The following ZFAND3 variants were observed in gnomAD, a reference collection of about 807,000 sequenced individuals.
The protein encoded by ZFAND3 is zinc finger AN1-type containing 3.
ZFAND3 carries 10 observed loss-of-function variants against 29.6 expected under a neutral mutation model. The observed-to-expected ratio is 0.34, with a 90% CI of 0.21 to 0.57. The LOEUF (loss-of-function observed/expected upper bound fraction) is 0.57, where lower values mean the gene tolerates loss of function less well. Among genes scored for constraint, ZFAND3 ranks in the 20% least tolerant of loss-of-function variants. The pLI, the probability that ZFAND3 is intolerant of heterozygous loss-of-function variation, is 0.86. For missense variants in ZFAND3, 230 were observed against 304.5 expected, an observed-to-expected ratio of 0.76 and a Z score of 1.82; for synonymous variants, 128 against 112.6, an observed-to-expected ratio of 1.14 and a Z score of -0.87.
intron 1 of ZFAND3, among the ~76,000 whole-genome samples, chr6:37,904,640 C>T (rs1765377073): frequency 6.6e-6 from 1 of 151,876 alleles, no homozygotes; most frequent in Non-Finnish European, 1.5e-5. Flanking sequence ...TATATAATGA[C>T]CTAGGGAAGG....
chr6:37,844,301 C>G (rs1244915898), intron 1 of ZFAND3, among the ~76,000 whole-genome samples: 1 of 151,368 alleles, frequency 6.6e-6, no homozygotes, highest in Non-Finnish European at 1.5e-5. Context: ...TCTTGTCTTT[C>G]TTTCTTGTCT....
At chr6:38,149,422 A>C (rs1766176115) in intron 5 of ZFAND3, among the ~76,000 whole-genome samples, 1 of 151,822 alleles carries the variant, frequency 6.6e-6, no homozygotes, top group African/African-American at 2.4e-5. Context: ...AAAAAAAAAA[A>C]AAAAAAACCT....
chr6:37,998,760 G>A (rs1409638553), intron 2 of ZFAND3, among the ~76,000 whole-genome samples: 1 of 152,192 alleles, frequency 6.6e-6, no homozygotes, highest in Non-Finnish European at 1.5e-5. Context: ...CATTGTTGGG[G>A]TGGGTATTTA....
intron 3 of ZFAND3, among the ~76,000 whole-genome samples, chr6:38,070,635 A>C (rs1764436309): frequency 6.6e-6 from 1 of 152,142 alleles, no homozygotes; most frequent in South Asian, 2.1e-4. Context: ...GAGCCATGTC[A>C]AGTAAACAGT....
intron 5 of ZFAND3, among the ~76,000 whole-genome samples, chr6:38,122,375 G>C (rs1765552384): frequency 6.6e-6 from 1 of 152,220 alleles, no homozygotes; most frequent in Non-Finnish European, 1.5e-5. Flanking sequence ...ACCTGTGTCA[G>C]TGCAGACACA....
At chr6:37,867,705 A>G (rs1023629786) in intron 1 of ZFAND3, among the ~76,000 whole-genome samples, 1 of 152,206 alleles carries the variant, frequency 6.6e-6, no homozygotes, top group African/African-American at 2.4e-5. Context: ...TGGCATTGCT[A>G]GAAAATGTTG....
intron 1 of ZFAND3, among the ~76,000 whole-genome samples, chr6:37,844,921 G>C (rs1434766702): frequency 6.6e-6 from 1 of 151,490 alleles, no homozygotes; most frequent in Non-Finnish European, 1.5e-5. Flanking sequence ...CTACATGGGA[G>C]GCTGAGGCAA....
intron 5 of ZFAND3, among the ~76,000 whole-genome samples, chr6:38,147,948 A>G (rs1013517490): frequency 3.9e-5 from 6 of 151,956 alleles, no homozygotes; most frequent in Admixed American, 2.6e-4. Flanking sequence ...GCTGTGCAGA[A>G]GCTTTTAATT....
chr6:38,145,939 A>G (rs772175430), intron 5 of ZFAND3, among the ~76,000 whole-genome samples: 12 of 152,312 alleles, frequency 7.9e-5, no homozygotes, highest in South Asian at 2.1e-4. Context: ...TCTCATTCAC[A>G]TGGGATTCTT....
At chr6:37,852,284 G>A (rs1764294740) in intron 1 of ZFAND3, among the ~76,000 whole-genome samples, 1 of 152,176 alleles carries the variant, frequency 6.6e-6, no homozygotes, top group East Asian at 1.9e-4. Flanking sequence ...TACTTGGTGG[G>A]AAGTGGTGCT....
At chr6:37,956,660 G>A (rs1258691487) in intron 2 of ZFAND3, among the ~76,000 whole-genome samples, 8 of 152,132 alleles carry the variant, frequency 5.3e-5, no homozygotes, top group African/African-American at 9.7e-5. Context: ...TTGGGGTCAC[G>A]GAACTTTGAA....
chr6:38,007,122 AATC>A (rs1253227617), intron 2 of ZFAND3, among the ~76,000 whole-genome samples: 4 of 152,228 alleles, frequency 2.6e-5, no homozygotes, highest in Non-Finnish European at 4.4e-5. Flanking sequence ...TTAAAAGGAA[AATC>A]ATCACCATAG....
chr6:38,037,519 C>T (rs764842196), intron 2 of ZFAND3, among the ~76,000 whole-genome samples: 2 of 152,166 alleles, frequency 1.3e-5, no homozygotes, highest in African/African-American at 2.4e-5. Context: ...ACTCGGATTG[C>T]GTGTGAACTT....
intron 2 of ZFAND3, among the ~76,000 whole-genome samples, chr6:37,991,180 G>T (rs1190480340): frequency 6.6e-6 from 1 of 152,118 alleles, no homozygotes; most frequent in African/African-American, 2.4e-5. Context: ...CTAGTCACGT[G>T]TGCTAACATT....
rs1244499691 is a variant in ZFAND3, at chr6:37,859,666, T to C, written c.71+39650T>C. Among the ~76,000 whole-genome samples, 3 of 152,178 alleles carry C rather than the reference T, an allele frequency of 2.0e-5. 1 individual carries two copies. Among genetic ancestry groups the C allele is most frequent in the Non-Finnish European group, 4.4e-5 (3 of 68,032 alleles). ...CTTTGATTTCAGTGATAGGTGAGGA[T>C]TGAATTCATGAATGGCTTGCAAATA... On this transcript the variant is annotated intron_variant, in intron 1 of 5. Coordinates refer to ENST00000287218, the MANE Select transcript of ZFAND3 (RefSeq NM_021943.3).
chr6:37,973,035 C>G (rs1466010360), intron 2 of ZFAND3, among the ~76,000 whole-genome samples: 1 of 152,066 alleles, frequency 6.6e-6, no homozygotes, highest in Non-Finnish European at 1.5e-5. Context: ...GTTCATTTGT[C>G]AAAGTCATCA....
At chr6:37,960,882 C>A (rs1194624162) in intron 2 of ZFAND3, among the ~76,000 whole-genome samples, 5 of 151,748 alleles carry the variant, frequency 3.3e-5, no homozygotes, top group Admixed American at 6.6e-5. Context: ...GCATTTGAGA[C>A]CAACCTGGGC....
At chr6:37,873,455 G>GA (rs1253380588) in intron 1 of ZFAND3, among the ~76,000 whole-genome samples, 1 of 152,162 alleles carries the variant, frequency 6.6e-6, no homozygotes, top group African/African-American at 2.4e-5. Context: ...ATTTTATTGG[G>GA]ATCATTTATG....
chr6:37,958,300 A>G (rs920327457), intron 2 of ZFAND3, among the ~76,000 whole-genome samples: 9 of 152,116 alleles, frequency 5.9e-5, no homozygotes, highest in Non-Finnish European at 7.3e-5. Context: ...CTAAAAATAC[A>G]AAGATTAGCT....
Sources: gnomAD v4.1 joint callset for allele counts (sites outside exome capture counted in the v4.1 genomes callset) on GRCh38, gnomAD v4.1.1 for gene constraint, MANE v1.5 for transcripts, NCBI Gene and HGNC (gene_info 2026-07-23, HGNC 2026-07-21) for gene names.